The following ROPN1 variants were observed in gnomAD, a reference collection of about 807,000 sequenced individuals.
ROPN1 encodes the protein rhophilin associated tail protein 1.
In ROPN1, 14 loss-of-function variants were observed where a neutral mutation model predicts 20.5. The ratio of observed to expected loss-of-function variants is 0.68; its 90% CI spans 0.45 to 1.07. The LOEUF is 1.07. ROPN1 is among the 50% of genes least tolerant of loss of function. The pLI is 0.00. For missense variants in ROPN1, 169 were observed against 242.8 expected, an observed-to-expected ratio of 0.70 and a Z score of 2.02; for synonymous variants, 76 against 95.7, an observed-to-expected ratio of 0.79 and a Z score of 1.20.
At position 123,980,370 on chromosome 3, in the gene ROPN1, C is replaced by G; in HGVS notation, c.112G>C (p.Ala38Pro). 6.2e-7 allele frequency: 1 copy of G among 1,614,212 alleles called. No homozygotes were observed. The highest frequency in any genetic ancestry group is 8.5e-7 in the Non-Finnish European group (1 of 1,180,028). ...AGGCGAGAAAGGAGCACGTACTCGG[C>G]TGCCCACTGGATGAGGTCCTGCGGC... ...VQPQDLIQWA[A>P]DYFEALSRGE... is the part of the protein sequence containing the mutation. Residue 38 changes from alanine (A) to proline (P), a missense_variant, in exon 2 of 6, where the codon GCC becomes CCC. Physicochemically the swap from Ala to Pro is conservative, Grantham distance 27 (BLOSUM62 -1). Transcript: ENST00000405845.
rs774074649 is a variant in ROPN1, at chr3:123,976,920, C to T, written c.178G>A (p.Ala60Thr). The T allele has an allele frequency of 6.2e-6, 10 of 1,614,148 alleles. No individual in the cohort carries two copies. The highest frequency in any genetic ancestry group is 1.6e-4 in the Middle Eastern group (1 of 6,062). ...PPVRERSERVALCNRAELTPE... is the reference protein window; with the variant it reads ...PPVRERSERVTLCNRAELTPE... ...GTTAGCTCTGCCCGGTTACACAAAG[C>T]GACTCGCTCAGACCGCTCTCTCACC... The change falls in exon 3 of 6, where the codon GCT becomes ACT. Residue 60 changes from alanine to threonine, a missense_variant. Coordinates refer to ENST00000405845, the MANE Select transcript of ROPN1 (RefSeq NM_001317774.2).
intron 3 of ROPN1, 93 bp downstream of exon 3, chr3:123,976,771 T>A: frequency 8.0e-7 from 1 of 1,252,394 alleles, no homozygotes; most frequent in Admixed American, 2.1e-5. Flanking sequence ...AGTGGTCAGC[T>A]GACTGTCAGG....
intron 4 of ROPN1, among the ~76,000 whole-genome samples, chr3:123,973,834 G>A (rs528895195): frequency 3.3e-5 from 5 of 152,312 alleles, no homozygotes; most frequent in Middle Eastern, 3.4e-3. Flanking sequence ...TCACCAGTCC[G>A]GGAGAGACGA....
At chr3:123,984,920 CT>C (rs1196736553) in intron 1 of ROPN1, among the ~76,000 whole-genome samples, 1 of 152,132 alleles carries the variant, frequency 6.6e-6, no homozygotes, top group Non-Finnish European at 1.5e-5. Flanking sequence ...GTTTTTCATA[CT>C]GTGCCATAGG....
chr3:123,985,677 A>AT (rs11408674), intron 1 of ROPN1, among the ~76,000 whole-genome samples: 18,314 of 152,078 alleles, frequency 0.12, 2,629 homozygotes, highest in East Asian at 0.35. Context: ...AAATAATTTA[A>AT]TGATTTAGTA....
At position 123,970,116 on chromosome 3, in the gene ROPN1, C is replaced by A. The variant is rs140446139; in HGVS notation, c.498G>T (p.Thr166=). Residue 166 remains threonine (T), a synonymous_variant, in exon 5 of 6, where the codon ACG becomes ACT. Coordinates refer to ENST00000405845, the MANE Select transcript of ROPN1 (RefSeq NM_001317774.2). ...IPFSTFQFLY[T]YIAKVDGEIS... ...TCTCCCCATCCACTTTGGCAATATACGTGTAGAGAAACTGGAAGGTGCTGA... is the reference window on the plus strand; with the variant it reads ...TCTCCCCATCCACTTTGGCAATATAAGTGTAGAGAAACTGGAAGGTGCTGA... The A allele has an allele frequency of 7.4e-6, 12 of 1,614,164 alleles. No individual in the cohort carries two copies. The highest frequency in any genetic ancestry group is 4.5e-5 in the East Asian group (2 of 44,878).
At chr3:123,984,219 G>GT (rs1345662698) in intron 1 of ROPN1, among the ~76,000 whole-genome samples, 1 of 152,092 alleles carries the variant, frequency 6.6e-6, no homozygotes, top group African/African-American at 2.4e-5. Flanking sequence ...GATTGCACTT[G>GT]TTTTCCCATC....
At chr3:123,974,336 T>C (rs1195380240) in intron 4 of ROPN1, among the ~76,000 whole-genome samples, 10 of 152,224 alleles carry the variant, frequency 6.6e-5, no homozygotes, top group Non-Finnish European at 7.3e-5. Flanking sequence ...CTGCTTACTT[T>C]CCTTTCCTCC....
chr3:123,979,894 A>G lies in ROPN1; in HGVS notation c.116+472T>C, dbSNP rs1450454609. 8.6e-6 allele frequency: 3 copies of G among 350,648 alleles called. No individual in the cohort carries two copies. The East Asian group carries it at 2.1e-4, about 25-fold the overall frequency. 21.7% of individuals were successfully genotyped at this position (350,648 alleles called of 1,614,324 possible). On this transcript the variant is annotated intron_variant, in intron 2 of 5. Transcript: ENST00000405845. ...AGGAAGTGTCTCCTTAAAGGAGTGA[A>G]CTAGCAGGACTGGTCCCACCCCATC... is the stretch of plus-strand genomic sequence containing the variant.
chr3:123,969,944 G>T, intron 5 of ROPN1, 98 bp downstream of exon 5: 19 of 1,162,922 alleles, frequency 1.6e-5, no homozygotes, highest in South Asian at 6.9e-5. Flanking sequence ...ATACTTTTCT[G>T]TTTCCAGAGC....
chr3:123,989,685 G>A (rs1039299395), intron 1 of ROPN1, among the ~76,000 whole-genome samples: 5 of 152,292 alleles, frequency 3.3e-5, no homozygotes, highest in African/African-American at 1.2e-4. Flanking sequence ...GTGCTCCATG[G>A]CTAGCAGTGT....
chr3:123,970,015 A>T, intron 5 of ROPN1, 27 bp downstream of exon 5: 1 of 1,608,146 alleles, frequency 6.2e-7, no homozygotes, highest in Non-Finnish European at 8.5e-7. Context: ...GTATTCTTTC[A>T]CCTCCACTTG....
intron 1 of ROPN1, among the ~76,000 whole-genome samples, chr3:123,985,643 A>T (rs535749156): frequency 1.2e-3 from 180 of 151,646 alleles, no homozygotes; most frequent in African/African-American, 3.5e-3. Context: ...AATAATAAAC[A>T]TTTGCCTCTA....
intron 1 of ROPN1, among the ~76,000 whole-genome samples, chr3:123,987,638 G>GT (rs2038294299): frequency 1.3e-5 from 2 of 152,304 alleles, no homozygotes; most frequent in South Asian, 4.1e-4. Flanking sequence ...CTTCAACTGT[G>GT]TTTCACAGAA....
rs532708634 is a variant in ROPN1, at chr3:123,977,313, G to A, written c.117-332C>T. Reference sequence around the variant, plus strand: ...AGTCATCTCTGAGTGTTTTATACACGCAGATGTATATTACATATGTATATA... The same window carrying A: ...AGTCATCTCTGAGTGTTTTATACACACAGATGTATATTACATATGTATATA... On this transcript the variant is annotated intron_variant, in intron 2 of 5. Coordinates refer to ENST00000405845, the MANE Select transcript of ROPN1 (RefSeq NM_001317774.2). Among the ~76,000 whole-genome samples, 6 of 152,260 alleles carry A rather than the reference G, an allele frequency of 3.9e-5. No homozygotes were observed. The South Asian group carries it at 1.2e-3, about 32-fold the overall frequency.
intron 1 of ROPN1, among the ~76,000 whole-genome samples, chr3:123,990,332 G>A (rs901664623): frequency 1.3e-5 from 2 of 152,180 alleles, no homozygotes; most frequent in Non-Finnish European, 2.9e-5. Context: ...AGGTGGAGAA[G>A]GAGGAAGAGG....
intron 1 of ROPN1, among the ~76,000 whole-genome samples, chr3:123,984,401 T>C (rs904441562): frequency 2.6e-5 from 4 of 152,230 alleles, no homozygotes; most frequent in Non-Finnish European, 5.9e-5. Context: ...ATCCATTTTC[T>C]TCAGTCTGCT....
chr3:123,969,360 A>G, intron 5 of ROPN1, 139 bp from the exon 6 acceptor site: 1 of 764,642 alleles, frequency 1.3e-6, no homozygotes, highest in Non-Finnish European at 2.1e-6. Context: ...GTTTTCTGAG[A>G]CAGGGTCTGG....
chr3:123,980,299 G>A (rs1185768797), intron 2 of ROPN1, 67 bp downstream of exon 2: 2 of 1,484,902 alleles, frequency 1.3e-6, no homozygotes, highest in Non-Finnish European at 1.9e-6. Context: ...GACAACCTCC[G>A]CGGTTTTACA....
Sources: gnomAD v4.1 joint callset for allele counts (sites outside exome capture counted in the v4.1 genomes callset) on GRCh38, gnomAD v4.1.1 for gene constraint, MANE v1.5 for transcripts, NCBI Gene and HGNC (gene_info 2026-07-23, HGNC 2026-07-21) for gene names.